Variants in CTTNBP2 observed in about 807,000 individuals in gnomAD.
CTTNBP2 encodes the protein cortactin binding protein 2, also known as cortactin-binding protein 2.
Under a neutral mutation model 156.9 loss-of-function variants are expected in CTTNBP2, and 108 were observed. That is an observed-to-expected ratio of 0.69 (90% CI 0.59 to 0.81). The LOEUF is 0.81. Ranked by LOEUF, CTTNBP2 falls within the 30% of genes least tolerant of loss-of-function variation. The pLI is 0.00. For synonymous variants in CTTNBP2, 767 were observed against 751.8 expected, an observed-to-expected ratio of 1.02 and a Z score of -0.33; for missense variants, 1,924 against 2,035.4, an observed-to-expected ratio of 0.95 and a Z score of 1.05.
At chr7:117,849,272 G>A (rs1273391210) in intron 2 of CTTNBP2, among the ~76,000 whole-genome samples, 1 of 152,150 alleles carries the variant, frequency 6.6e-6, no homozygotes, top group Non-Finnish European at 1.5e-5. Context: ...TTGGATCAGC[G>A]GTTCTCAAAC....
chr7:117,873,409 T>C lies in CTTNBP2; in HGVS notation c.7A>G (p.Thr3Ala). The C allele has an allele frequency of 6.7e-7, 1 of 1,497,400 alleles. No homozygotes were observed. Among genetic ancestry groups the C allele is most frequent in the Non-Finnish European group, 8.8e-7 (1 of 1,130,608 alleles). 92.8% of individuals were successfully genotyped at this position (1,497,400 alleles called of 1,614,324 possible). ...TCGGGCTCGCAGCTCGCGCCGTCCGTCGCCATCTTCCTGCTCTAGCGGATC... is the reference window on the plus strand; with the variant it reads ...TCGGGCTCGCAGCTCGCGCCGTCCGCCGCCATCTTCCTGCTCTAGCGGATC... MATDGASCEPDLS... is the reference protein window; with the variant it reads MAADGASCEPDLS... Residue 3 changes from threonine (T) to alanine (A), a missense_variant, in exon 1 of 23, where the codon ACG (threonine) becomes GCG (alanine). Thr to Ala is a moderately conservative substitution (Grantham distance 58, BLOSUM62 0). Coordinates refer to ENST00000160373, the MANE Select transcript of CTTNBP2 (RefSeq NM_033427.3).
At chr7:117,796,182 T>C (rs1236105727) in intron 3 of CTTNBP2, among the ~76,000 whole-genome samples, 3 of 152,218 alleles carry the variant, frequency 2.0e-5, no homozygotes, top group East Asian at 3.8e-4. Flanking sequence ...TGTTGGACTT[T>C]CCTTCAGCAC....
At chr7:117,726,306 T>C (rs557335177) in intron 17 of CTTNBP2, among the ~76,000 whole-genome samples, 78 of 152,324 alleles carry the variant, frequency 5.1e-4, no homozygotes, top group Admixed American at 2.1e-3. Context: ...CTTTCAAGAA[T>C]TGTCAAAAAC....
chr7:117,769,864 G>A (rs1222311714), intron 8 of CTTNBP2, among the ~76,000 whole-genome samples: 1 of 152,102 alleles, frequency 6.6e-6, no homozygotes, highest in Non-Finnish European at 1.5e-5. Flanking sequence ...CAACAGACCT[G>A]GATTCTAATC....
chr7:117,841,225 C>T (rs1802257683), intron 2 of CTTNBP2, among the ~76,000 whole-genome samples: 1 of 152,050 alleles, frequency 6.6e-6, no homozygotes, highest in African/African-American at 2.4e-5. Context: ...TTCATCTGAG[C>T]TGTTAAAAAA....
chr7:117,732,372 T>C (rs1020074759), intron 16 of CTTNBP2, among the ~76,000 whole-genome samples: 6 of 151,826 alleles, frequency 4.0e-5, no homozygotes, highest in Admixed American at 6.6e-5. Context: ...GGCACAGGGC[T>C]GGGCATGGTG....
intron 2 of CTTNBP2, among the ~76,000 whole-genome samples, chr7:117,820,396 G>A (rs1050397019): frequency 1.3e-5 from 2 of 152,106 alleles, no homozygotes; most frequent in Non-Finnish European, 2.9e-5. Flanking sequence ...TAATTTTGAT[G>A]AAATCCAATT....
chr7:117,711,951 A>T (rs983726024), intron 22 of CTTNBP2, among the ~76,000 whole-genome samples, 169 bp from the exon 23 acceptor site: 6 of 152,216 alleles, frequency 3.9e-5, no homozygotes, highest in South Asian at 2.1e-4. Flanking sequence ...AATTTCCTAT[A>T]GACTTACTGC....
rs1314109439 is a variant in CTTNBP2, at chr7:117,732,541, T to C, written c.3876+2372A>G. On this transcript the variant is annotated intron_variant, in intron 16 of 22. Transcript: ENST00000160373. ...GGCGGGCGCCTGTAGTTCCAGCTAC[T>C]CAGGAGGCTGAGGCAGGAGAATGGT... 2.0e-5 allele frequency among the ~76,000 whole-genome samples: 3 copies of C among 150,486 alleles called. No individual in the cohort carries two copies. In the East Asian group the frequency reaches 5.9e-4, roughly 30 times the overall value.
chr7:117,772,670 G>A (rs193297295), intron 8 of CTTNBP2, among the ~76,000 whole-genome samples: 4 of 152,266 alleles, frequency 2.6e-5, no homozygotes, highest in African/African-American at 4.8e-5. Context: ...ACCAAGGAAA[G>A]CACCTGCCTA....
At chr7:117,843,027 G>A (rs1227974207) in intron 2 of CTTNBP2, among the ~76,000 whole-genome samples, 2 of 152,168 alleles carry the variant, frequency 1.3e-5, no homozygotes, top group African/African-American at 2.4e-5. Flanking sequence ...ATTCAACTGA[G>A]GATAGAAAAT....
At chr7:117,745,670 T>C (rs560741113) in intron 14 of CTTNBP2, among the ~76,000 whole-genome samples, 161 bp downstream of exon 14, 1 of 152,314 alleles carries the variant, frequency 6.6e-6, no homozygotes, top group South Asian at 2.1e-4. Context: ...TGCAATAATA[T>C]ACACATGAAG....
intron 6 of CTTNBP2, among the ~76,000 whole-genome samples, chr7:117,781,889 G>A (rs1584995050): frequency 6.6e-6 from 1 of 152,200 alleles, no homozygotes; most frequent in East Asian, 1.9e-4. Flanking sequence ...GCACAGCTCA[G>A]GAGAAATTCC....
intron 2 of CTTNBP2, among the ~76,000 whole-genome samples, chr7:117,837,762 G>T (rs1325419093): frequency 6.6e-6 from 1 of 152,018 alleles, no homozygotes; most frequent in Non-Finnish European, 1.5e-5. Flanking sequence ...TTCCACTTGT[G>T]GCATCATGTT....
At position 117,725,312 on chromosome 7, in the gene CTTNBP2, C is replaced by T. The variant is rs888757542; in HGVS notation, c.4056-55G>A. On this transcript the variant is annotated intron_variant, in intron 17 of 22. Coordinates refer to ENST00000160373, the MANE Select transcript of CTTNBP2 (RefSeq NM_033427.3). ...AGGAGCAGGCTTCTCAATAATTATA[C>T]ACAATTCCGTGAAAGGACAGTTTGA... 2.0e-6 allele frequency: 3 copies of T among 1,493,448 alleles called. No individual in the cohort carries two copies. The African/African-American group carries it at 4.1e-5, about 21-fold the overall frequency. 92.5% of individuals were successfully genotyped at this position (1,493,448 alleles called of 1,614,324 possible).
At chr7:117,771,663 C>T (rs894736134) in intron 8 of CTTNBP2, among the ~76,000 whole-genome samples, 8 of 152,148 alleles carry the variant, frequency 5.3e-5, no homozygotes, top group Non-Finnish European at 1.0e-4. Context: ...AAGAAAAATA[C>T]AGTAGTCCAT....
chr7:117,848,715 T>C (rs1428929421), intron 2 of CTTNBP2, among the ~76,000 whole-genome samples: 3 of 152,248 alleles, frequency 2.0e-5, no homozygotes, highest in African/African-American at 7.2e-5. Context: ...TTCTGGTTTA[T>C]GTACTGGGAC....
chr7:117,800,355 T>C (rs1358146008), intron 3 of CTTNBP2, among the ~76,000 whole-genome samples: 3 of 152,012 alleles, frequency 2.0e-5, no homozygotes, highest in Non-Finnish European at 4.4e-5. Context: ...GAGGGACTTA[T>C]TGGGTAGGTA....
In CTTNBP2 at chr7:117,791,973, G is replaced by A. The variant is rs569551143; in HGVS notation, c.1223C>T (p.Pro408Leu). ...TPPLPSNAAP[P>L]TAQTPGIAPQ... ...AGCTATGCCTGGTGTTTGAGCGGTG[G>A]GAGGGGCAGCGTTACTGGGAAGTGG... Residue 408 changes from proline (P) to leucine (L), a missense_variant, in exon 4 of 23, where the codon CCC becomes CTC. By Grantham distance (98) the Pro-to-Leu change is moderately conservative (BLOSUM62 -3). Transcript: ENST00000160373. 4 of 1,614,138 alleles carry A rather than the reference G, an allele frequency of 2.5e-6. No individual in the cohort carries two copies. The highest frequency in any genetic ancestry group is 2.2e-5 in the South Asian group (2 of 91,082).
Sources: gnomAD v4.1 joint callset for allele counts (sites outside exome capture counted in the v4.1 genomes callset) on GRCh38, gnomAD v4.1.1 for gene constraint, MANE v1.5 for transcripts, NCBI Gene and HGNC (gene_info 2026-07-23, HGNC 2026-07-21) for gene names.